GLB1L: variants seen among roughly 807,000 people sequenced by gnomAD.
GLB1L encodes the protein beta-galactosidase-1-like protein.
Under a neutral mutation model 75.7 loss-of-function variants are expected in GLB1L, and 58 were observed. The ratio of observed to expected loss-of-function variants is 0.77; its 90% confidence interval spans 0.62 to 0.95. The LOEUF (loss-of-function observed/expected upper bound fraction) is 0.95, where lower values mean the gene tolerates loss of function less well. GLB1L is among the 40% of genes least tolerant of loss of function. The probability of loss-of-function intolerance (pLI) is 0.00; values close to 1 mark genes in which losing one functional copy is unlikely to be tolerated. For missense variants in GLB1L, 797 were observed against 805.5 expected (o/e 0.99, Z 0.13); for synonymous variants, 296 against 303.0 (o/e 0.98, Z 0.24).
At chr2:219,240,329 A>C (rs768452885) in intron 5 of GLB1L, 44 bp from the exon 6 acceptor site, 11 of 1,445,460 alleles carry the variant, frequency 7.6e-6, no homozygotes, top group Non-Finnish European at 1.1e-5. Context: ...CTACCATCAC[A>C]CTTGCTCACC....
At position 219,243,570 on chromosome 2, in the gene GLB1L, C is replaced by T. The variant is rs758613616; in HGVS notation, c.4G>A (p.Ala2Thr). Residue 2 changes from alanine to threonine, a missense_variant, in exon 2 of 17, where the codon GCT becomes ACT. Transcript: ENST00000295759. ...CGAAGGCAGGACAGCTTCTTGGGAGCCATGGCGTTTACAGCGCTCCTCTAG... is the reference window on the plus strand; with the variant it reads ...CGAAGGCAGGACAGCTTCTTGGGAGTCATGGCGTTTACAGCGCTCCTCTAG... M[A>T]PKKLSCLRSL... The T allele has an allele frequency of 6.2e-7, 1 of 1,614,078 alleles. No homozygotes were observed. Among genetic ancestry groups the T allele is most frequent in the African/African-American group, 1.3e-5 (1 of 75,052 alleles).
chr2:219,238,128 C>A, intron 14 of GLB1L, 122 bp downstream of exon 14: 1 of 1,034,040 alleles, frequency 9.7e-7, no homozygotes, highest in Non-Finnish European at 1.4e-6. Context: ...CCCAGCTTAT[C>A]CCTGGAACCC....
In GLB1L at chr2:219,238,235, G is replaced by A; in HGVS notation, c.1341+15C>T. On this transcript the variant is annotated intron_variant, in intron 14 of 16. Coordinates refer to ENST00000295759, the MANE Select transcript of GLB1L (RefSeq NM_001286423.2). ...GGAGGAGTTTGGGGCTCACAGCCTGGAATTAGGTTCTCACCCCATCCACCA... is the reference window on the plus strand; with the variant it reads ...GGAGGAGTTTGGGGCTCACAGCCTGAAATTAGGTTCTCACCCCATCCACCA... 1.3e-6 allele frequency: 2 copies of A among 1,535,416 alleles called. No individual in the cohort carries two copies. The highest frequency in any genetic ancestry group is 1.8e-6 in the Non-Finnish European group (2 of 1,124,424).
At chr2:219,242,199 G>C (rs546181543) in intron 5 of GLB1L, among the ~76,000 whole-genome samples, 4 of 151,904 alleles carry the variant, frequency 2.6e-5, no homozygotes, top group Admixed American at 6.5e-5. Context: ...ATGTTGGCCA[G>C]GTGGGTCTCA....
In GLB1L at chr2:219,242,918, A is replaced by G; in HGVS notation, c.240T>C (p.Phe80=). The change falls in exon 4 of 17, where the codon TTT becomes TTC. Residue 80 remains phenylalanine (F), a splice_region_variant and synonymous_variant. Coordinates refer to ENST00000295759, the MANE Select transcript of GLB1L (RefSeq NM_001286423.2). The part of the protein sequence containing the change: ...MRWSGLNAIQ[F]YVPWNYHEPQ... ...GCTCGTGGTAGTTCCAGGGCACATA[A>G]CTGAGAAAGGAAGAGGTTAATAGGA... 1 of 1,614,224 alleles carries G rather than the reference A, an allele frequency of 6.2e-7. No individual in the cohort carries two copies. The highest frequency in any genetic ancestry group is 1.1e-5 in the South Asian group (1 of 91,080).
At chr2:219,244,789 A>G (rs1386493310) in intron 1 of GLB1L, among the ~76,000 whole-genome samples, 1 of 152,218 alleles carries the variant, frequency 6.6e-6, no homozygotes, top group East Asian at 1.9e-4. Flanking sequence ...TCCATGAGGT[A>G]GATAATTATT....
Position 219,238,335 on chromosome 2 carries a change from T to G in GLB1L, c.1256A>C (p.Tyr419Ser). Residue 419 changes from tyrosine (Y) to serine (S), a missense_variant, in exon 14 of 17, where the codon TAT becomes TCT. Coordinates refer to ENST00000295759, the MANE Select transcript of GLB1L (RefSeq NM_001286423.2). ...TGGCTCAAAAATGGTATGGGTCATA[T>G]AGGTTCGGTACAACATGAAGCCATG... ...QDHGFMLYRTYMTHTIFEPTP... is the reference protein window; with the variant it reads ...QDHGFMLYRTSMTHTIFEPTP... The G allele has an allele frequency of 6.2e-7, 1 of 1,611,982 alleles. No individual in the cohort carries two copies. Among genetic ancestry groups the G allele is most frequent in the Non-Finnish European group, 8.5e-7 (1 of 1,178,858 alleles).
At chr2:219,242,080 C>G (rs774936621) in intron 5 of GLB1L, among the ~76,000 whole-genome samples, 5 of 152,156 alleles carry the variant, frequency 3.3e-5, no homozygotes, top group African/African-American at 1.2e-4. Context: ...CTCTGACCCC[C>G]GGGCCCAAGT....
intron 13 of GLB1L, 57 bp from the exon 14 acceptor site, chr2:219,238,420 C>G: frequency 6.4e-7 from 1 of 1,564,732 alleles, no homozygotes; most frequent in Non-Finnish European, 8.8e-7. Context: ...GACACTGTGA[C>G]TATAGCCAAG....
chr2:219,239,894 C>G, intron 7 of GLB1L, 26 bp downstream of exon 7: 1 of 1,614,154 alleles, frequency 6.2e-7, no homozygotes, highest in Non-Finnish European at 8.5e-7. Flanking sequence ...TTTCCCCAGA[C>G]TCCACTCCCA....
At position 219,243,231 on chromosome 2, in the gene GLB1L, G is replaced by A. The variant is rs756016866; in HGVS notation, c.156C>T (p.Ser52=). The change falls in exon 3 of 17, where the codon AGC becomes AGT. Residue 52 remains serine, a synonymous_variant. Coordinates refer to ENST00000295759, the MANE Select transcript of GLB1L (RefSeq NM_001286423.2). ...DGAPFRYVSG[S]LHYFRVPRVL... ...CCCGCGGTACCCGAAAGTAGTGCAG[G>A]CTGCCAGACACATAGCGGAACGGGG... 18 of 1,614,180 alleles carry A rather than the reference G, an allele frequency of 1.1e-5. No individual in the cohort carries two copies. The highest frequency in any genetic ancestry group is 1.5e-5 in the Non-Finnish European group (18 of 1,180,002).
chr2:219,238,915 C>T lies in GLB1L; in HGVS notation c.1063-136G>A, dbSNP rs147127165. The T allele has an allele frequency of 1.5e-4, 131 of 869,088 alleles. 1 individual carries two copies. In the East Asian group the frequency reaches 3.1e-3, roughly 20 times the overall value. The allele number at this position is 869,088 out of a possible 1,614,324, so 53.8% of individuals were successfully genotyped here. A position where few individuals can be genotyped will look rare whatever the true frequency, so the allele number is the denominator to read the frequency against. On this transcript the variant is annotated intron_variant, in intron 11 of 16. Transcript: ENST00000295759. ...CATGGAGGCTCAATAATTTTGCACA[C>T]CTGTGTGTCTTCACACATAGTCCCA...
At chr2:219,242,942 G>A (rs879248117) in intron 3 of GLB1L, 24 bp from the exon 4 acceptor site, 3 of 1,613,616 alleles carry the variant, frequency 1.9e-6, no homozygotes, top group Non-Finnish European at 1.7e-6. Flanking sequence ...AGGTTAATAG[G>A]AACCAAGGTG....
At position 219,236,826 on chromosome 2, in the gene GLB1L, A is replaced by G; in HGVS notation, c.*246T>C. On this transcript the variant is annotated 3_prime_UTR_variant, in exon 17 of 17. Transcript: ENST00000295759. ...GTCAGCCAGGCTGGAGTGCAGTGGT[A>G]CAACCTCCACTCACTGCAACCTCTG... The G allele has an allele frequency of 6.0e-6, 2 of 334,062 alleles. No homozygotes were observed. Among genetic ancestry groups the G allele is most frequent in the Non-Finnish European group, 1.0e-5 (2 of 190,954 alleles). 20.7% of individuals were successfully genotyped at this position (334,062 alleles called of 1,614,324 possible).
rs754327082 is a variant in GLB1L at position 219,243,562 on chromosome 2, C to T, written c.12G>A (p.Lys4=). Residue 4 remains lysine (K), a synonymous_variant, in exon 2 of 17, where the codon AAG becomes AAA. Transcript: ENST00000295759. MAP[K]KLSCLRSLLL... is the part of the protein sequence containing the mutation. ...GCAGGGAACGAAGGCAGGACAGCTT[C>T]TTGGGAGCCATGGCGTTTACAGCGC... 2.5e-6 allele frequency: 4 copies of T among 1,614,086 alleles called. No individual in the cohort carries two copies. In the African/African-American group the frequency reaches 4.0e-5, roughly 16 times the overall value.
At position 219,240,272 on chromosome 2, in the gene GLB1L, T is replaced by C; in HGVS notation, c.465A>G (p.Ala155=). ...LRTSDPDFLA[A]VDSWFKVLLP... ...GCAAGACCTTGAACCAGGAGTCCACTGCGGCAAGGAAGTCTAAAGGAAGGA... is the reference window on the plus strand; with the variant it reads ...GCAAGACCTTGAACCAGGAGTCCACCGCGGCAAGGAAGTCTAAAGGAAGGA... The change falls in exon 6 of 17, where the codon GCA becomes GCG. Residue 155 remains alanine (A), a synonymous_variant. Transcript: ENST00000295759. The C allele has an allele frequency of 1.2e-6, 2 of 1,614,158 alleles. No homozygotes were observed. Among genetic ancestry groups the C allele is most frequent in the Non-Finnish European group, 1.7e-6 (2 of 1,179,990 alleles).
intron 14 of GLB1L, 44 bp from the exon 15 acceptor site, chr2:219,238,001 T>C: frequency 6.2e-7 from 1 of 1,603,144 alleles, no homozygotes; most frequent in African/African-American, 1.3e-5. Flanking sequence ...AGCATCTAGC[T>C]CTTAGCCACT....
chr2:219,244,136 C>G (rs1951471828), intron 1 of GLB1L, among the ~76,000 whole-genome samples: 1 of 152,128 alleles, frequency 6.6e-6, no homozygotes, highest in South Asian at 2.1e-4. Flanking sequence ...GAGCGAGACT[C>G]TGTCTCAAAA....
Position 219,237,051 on chromosome 2 carries a change from C to G in GLB1L, c.*21G>C. On this transcript the variant is annotated 3_prime_UTR_variant, in exon 17 of 17. Coordinates refer to ENST00000295759, the MANE Select transcript of GLB1L (RefSeq NM_001286423.2). ...AAAGTGCTGGGATTACAGGCATGAG[C>G]CACCATGCCCGGCCTACCTTTCAGT... 6.4e-7 allele frequency: 1 copy of G among 1,567,180 alleles called. No individual in the cohort carries two copies. Among genetic ancestry groups the G allele is most frequent in the Non-Finnish European group, 8.7e-7 (1 of 1,143,464 alleles).
Sources: allele counts gnomAD v4.1 joint callset (sites outside exome capture counted in the v4.1 genomes callset), GRCh38; gene constraint gnomAD v4.1.1; transcripts MANE v1.5; gene names NCBI Gene and HGNC (gene_info 2026-07-23, HGNC 2026-07-21).